Variants in SNAP91 observed in about 807,000 individuals in gnomAD.
The protein encoded by SNAP91 is synaptosome associated protein 91, also known as clathrin coat assembly protein AP180.
In SNAP91, 27 loss-of-function variants were observed where a neutral mutation model predicts 100.3. The observed-to-expected ratio is 0.27, with a 90% CI of 0.20 to 0.37. SNAP91 has a LOEUF of 0.37. SNAP91 is among the 10% of genes least tolerant of loss of function. The pLI, the probability that SNAP91 is intolerant of heterozygous loss-of-function variation, is 1.00. For synonymous variants in SNAP91, 404 were observed against 398.6 expected (o/e 1.01, Z -0.16); for missense variants, 986 against 1,123.7 (o/e 0.88, Z 1.75).
At chr6:83,695,846 T>C (rs141838041) in intron 2 of SNAP91, among the ~76,000 whole-genome samples, 7 of 151,022 alleles carry the variant, frequency 4.6e-5, no homozygotes, top group Non-Finnish European at 1.0e-4. Flanking sequence ...GGCACAGTTA[T>C]GTCACCAAGG....
At chr6:83,610,528 G>A in intron 12 of SNAP91, 122 bp downstream of exon 12, 1 of 307,370 alleles carries the variant, frequency 3.3e-6, no homozygotes, top group African/African-American at 2.2e-5. Flanking sequence ...TTCCGGAAAT[G>A]GATAGAGAGG....
intron 26 of SNAP91, among the ~76,000 whole-genome samples, chr6:83,567,521 G>A (rs1183651015): frequency 6.6e-6 from 1 of 152,140 alleles, no homozygotes; most frequent in Non-Finnish European, 1.5e-5. Flanking sequence ...AAACGAAAGA[G>A]CTTCTGCACA....
At chr6:83,693,990 G>T (rs534798887) in intron 2 of SNAP91, among the ~76,000 whole-genome samples, 1 of 152,336 alleles carries the variant, frequency 6.6e-6, no homozygotes, top group South Asian at 2.1e-4. Flanking sequence ...CAAAATCAAA[G>T]CTTTGCAGAA....
intron 8 of SNAP91, among the ~76,000 whole-genome samples, chr6:83,631,586 A>G (rs1319420390): frequency 6.6e-6 from 1 of 152,124 alleles, no homozygotes; most frequent in Non-Finnish European, 1.5e-5. Flanking sequence ...TTATCATTAT[A>G]TAATGTCCTT....
chr6:83,556,271 G>A, intron 28 of SNAP91, 26 bp from the exon 29 acceptor site: 1 of 1,202,140 alleles, frequency 8.3e-7, no homozygotes, highest in Non-Finnish European at 1.1e-6. Context: ...CAGCCCCAAA[G>A]AGCAGGAATA....
chr6:83,652,388 G>A (rs769030216), intron 7 of SNAP91, among the ~76,000 whole-genome samples: 7 of 151,226 alleles, frequency 4.6e-5, no homozygotes, highest in Admixed American at 6.6e-5. Context: ...TACTTTTTTA[G>A]TGGTTCCCAT....
intron 8 of SNAP91, among the ~76,000 whole-genome samples, chr6:83,638,370 C>T (rs1178450708): frequency 6.6e-6 from 1 of 151,898 alleles, no homozygotes; most frequent in African/African-American, 2.4e-5. Flanking sequence ...GTCTTCCTTC[C>T]CTCTCTGGAA....
chr6:83,615,978 A>G (rs1362249367), intron 10 of SNAP91, among the ~76,000 whole-genome samples: 1 of 152,202 alleles, frequency 6.6e-6, no homozygotes, highest in Admixed American at 6.5e-5. Context: ...AATAAACAGA[A>G]AGCTGGTATC....
Position 83,606,127 on chromosome 6 carries a change from A to G in SNAP91, c.1023-324T>C, listed in dbSNP as rs1223469478. 3.9e-5 allele frequency among the ~76,000 whole-genome samples: 6 copies of G among 152,318 alleles called. No homozygotes were observed. The East Asian group carries it at 9.6e-4, about 24-fold the overall frequency. ...TTGTTCAAATAAAACTTTATTTACA[A>G]AAACAGAGAGTGGGCTGGAGTTGAT... is the stretch of plus-strand genomic sequence containing the variant. On this transcript the variant is annotated intron_variant, in intron 13 of 29. Transcript: ENST00000369694.
At chr6:83,658,211 T>C (rs899874052) in intron 6 of SNAP91, among the ~76,000 whole-genome samples, 3 of 152,162 alleles carry the variant, frequency 2.0e-5, no homozygotes, top group Admixed American at 1.3e-4. Context: ...TATAAAACTA[T>C]AGTACAATAT....
intron 22 of SNAP91, among the ~76,000 whole-genome samples, chr6:83,584,354 G>A (rs1222789976): frequency 2.0e-5 from 3 of 152,138 alleles, no homozygotes; most frequent in African/African-American, 7.2e-5. Flanking sequence ...GTCATCTCAT[G>A]GCTAGAAGAA....
intron 14 of SNAP91, among the ~76,000 whole-genome samples, chr6:83,603,945 A>G (rs1425848587): frequency 2.6e-5 from 4 of 152,334 alleles, no homozygotes; most frequent in Middle Eastern, 3.4e-3. Context: ...ATTACAATCA[A>G]TTCCTTACAA....
At position 83,603,156 on chromosome 6, in the gene SNAP91, T is replaced by C. The variant is rs114037197; in HGVS notation, c.1142-1557A>G. Among the ~76,000 whole-genome samples the C allele has an allele frequency of 3.1e-3, 467 of 152,290 alleles. 2 individuals carry two copies. The highest frequency in any genetic ancestry group is 0.011 in the African/African-American group (439 of 41,564). On this transcript the variant is annotated intron_variant, in intron 14 of 29. Coordinates refer to ENST00000369694, the MANE Select transcript of SNAP91 (RefSeq NM_001242792.2). ...AGCTTTCATTGTAACTTGAGAGCTA[T>C]CTTAGTTTTTATTGTAAAATTAATC...
At chr6:83,638,318 C>T (rs2097544276) in intron 8 of SNAP91, among the ~76,000 whole-genome samples, 1 of 152,026 alleles carries the variant, frequency 6.6e-6, no homozygotes, top group Non-Finnish European at 1.5e-5. Flanking sequence ...ATTTTGGTTC[C>T]TCTTGGTGGG....
At chr6:83,587,194 A>C (rs3798873) in intron 22 of SNAP91, among the ~76,000 whole-genome samples, 4,375 of 152,210 alleles carry the variant, frequency 0.029, 77 homozygotes, top group East Asian at 0.06. Context: ...ATCATTTTAA[A>C]ATTTAATTAT....
chr6:83,654,347 G>A (rs1346426691), intron 7 of SNAP91, among the ~76,000 whole-genome samples: 1 of 152,142 alleles, frequency 6.6e-6, no homozygotes, highest in Non-Finnish European at 1.5e-5. Context: ...AAGAGCTGTT[G>A]ATTTTTCAGT....
At chr6:83,556,104 AT>A in intron 29 of SNAP91, 38 bp downstream of exon 29, 1 of 1,161,118 alleles carries the variant, frequency 8.6e-7, no homozygotes, top group Non-Finnish European at 1.3e-6. Context: ...TGTATAGCTC[AT>A]TATTACAAGC....
chr6:83,670,482 C>T (rs1370514391), intron 2 of SNAP91, among the ~76,000 whole-genome samples: 1 of 151,648 alleles, frequency 6.6e-6, no homozygotes, highest in East Asian at 1.9e-4. Flanking sequence ...AAATCTATGG[C>T]TTCCCTTTTC....
chr6:83,620,223 A>T (rs901626308), intron 9 of SNAP91, among the ~76,000 whole-genome samples: 10 of 152,170 alleles, frequency 6.6e-5, no homozygotes, highest in African/African-American at 2.2e-4. Flanking sequence ...TCATTTTTTA[A>T]GTTATGAGCA....
Sources: allele counts gnomAD v4.1 joint callset (sites outside exome capture counted in the v4.1 genomes callset), GRCh38; gene constraint gnomAD v4.1.1; transcripts MANE v1.5; gene names NCBI Gene and HGNC (gene_info 2026-07-23, HGNC 2026-07-21).